PLCZ1: variants seen among roughly 807,000 people sequenced by gnomAD.
PLCZ1 encodes the protein 1-phosphatidylinositol 4,5-bisphosphate phosphodiesterase zeta-1.
A neutral mutation model predicts 76.8 loss-of-function variants in PLCZ1; 64 were observed. That is an observed-to-expected ratio of 0.83 (90% CI 0.68 to 1.03). The LOEUF is 1.03. Ranked by LOEUF, PLCZ1 falls within the 50% of genes least tolerant of loss-of-function variation. The pLI is 0.00. For synonymous variants in PLCZ1, 248 were observed against 230.8 expected, an observed-to-expected ratio of 1.07 and a Z score of -0.68; for missense variants, 751 against 713.7, an observed-to-expected ratio of 1.05 and a Z score of -0.60.
chr12:18,710,943 A>C (rs1565709354), intron 6 of PLCZ1, among the ~76,000 whole-genome samples: 1 of 152,114 alleles, frequency 6.6e-6, no homozygotes, highest in Non-Finnish European at 1.5e-5. Flanking sequence ...GTTGGACTGT[A>C]AACTAGTTCA....
the PLCZ1 span, among the ~76,000 whole-genome samples, chr12:18,654,938 C>G: frequency 6.6e-6 from 1 of 151,988 alleles, no homozygotes; most frequent in Non-Finnish European, 1.5e-5. Flanking sequence ...ACACTTAGTT[C>G]TGGGAAACAA....
At chr12:18,668,014 T>C in the PLCZ1 span, among the ~76,000 whole-genome samples, 1 of 152,216 alleles carries the variant, frequency 6.6e-6, no homozygotes, top group Non-Finnish European at 1.5e-5. Context: ...AAGGTCTACC[T>C]TTAGGACACT....
At position 18,688,233 on chromosome 12, in the gene PLCZ1, A is replaced by C; in HGVS notation, c.1462-15T>G. The C allele has an allele frequency of 6.3e-7, 1 of 1,596,214 alleles. No individual in the cohort carries two copies. The highest frequency in any genetic ancestry group is 8.5e-7 in the Non-Finnish European group (1 of 1,172,362). On this transcript the variant is annotated splice_polypyrimidine_tract_variant and intron_variant, in intron 12 of 14. Transcript: ENST00000266505. The stretch of plus-strand genomic sequence containing the variant: ...CCACTGATGAGCTGCACAAATATAT[A>C]TGAATATAAGAATTTAGCAAGATAT...
the PLCZ1 span, among the ~76,000 whole-genome samples, chr12:18,670,124 C>T: frequency 1.3e-5 from 2 of 152,080 alleles, no homozygotes; most frequent in Non-Finnish European, 2.9e-5. Flanking sequence ...TTGGAGAGGA[C>T]ATAAACATTC....
intron 7 of PLCZ1, among the ~76,000 whole-genome samples, chr12:18,704,393 T>C (rs540167582): frequency 6.6e-6 from 1 of 152,262 alleles, no homozygotes; most frequent in African/African-American, 2.4e-5. Context: ...TAGCTCAATC[T>C]TGGCTCACTG....
chr12:18,737,833 C>T (rs748599317), intron 1 of PLCZ1, 99 bp downstream of exon 1: 3 of 288,362 alleles, frequency 1.0e-5, no homozygotes, highest in South Asian at 4.9e-5. Context: ...TATAAATCAA[C>T]ACCATTGTGA....
intron 4 of PLCZ1, among the ~76,000 whole-genome samples, 187 bp from the exon 5 acceptor site, chr12:18,719,819 C>T (rs1179073625): frequency 6.6e-6 from 1 of 151,910 alleles, no homozygotes; most frequent in Admixed American, 6.6e-5. Context: ...TTCAGTTCTT[C>T]CATATTAACA....
At chr12:18,677,755 A>G in the PLCZ1 span, among the ~76,000 whole-genome samples, 8 of 152,260 alleles carry the variant, frequency 5.3e-5, no homozygotes, top group Admixed American at 1.3e-4. Context: ...ACTGGTCTAC[A>G]TTTAAAACAA....
chr12:18,659,234 C>A, the PLCZ1 span, among the ~76,000 whole-genome samples: 2 of 152,134 alleles, frequency 1.3e-5, no homozygotes, highest in Non-Finnish European at 2.9e-5. Flanking sequence ...ACCACTTTAC[C>A]TTTACCATCT....
At chr12:18,667,077 A>T in the PLCZ1 span, among the ~76,000 whole-genome samples, 1 of 152,156 alleles carries the variant, frequency 6.6e-6, no homozygotes, top group East Asian at 1.9e-4. Context: ...AGTGGGGGGA[A>T]GTTGCCAGAA....
intron 6 of PLCZ1, among the ~76,000 whole-genome samples, chr12:18,706,858 C>G (rs895575988): frequency 6.6e-6 from 1 of 152,200 alleles, no homozygotes; most frequent in Non-Finnish European, 1.5e-5. Context: ...CATTTATTCT[C>G]TCACTGTCTA....
rs2137268129 is a variant in PLCZ1 at position 18,701,718 on chromosome 12, T to C, written c.923A>G (p.His308Arg). 2.5e-6 allele frequency: 4 copies of C among 1,613,290 alleles called. No homozygotes were observed. The highest frequency in any genetic ancestry group is 3.4e-6 in the Non-Finnish European group (4 of 1,179,832). The change falls in exon 8 of 15, where the codon CAT (histidine) becomes CGT (arginine). Residue 308 changes from histidine to arginine, a missense_variant. By Grantham distance (29) the His-to-Arg change is conservative. Transcript: ENST00000266505. Reference protein sequence around the residue: ...NKKIGTLKETHERKGSDKRGD... With the variant: ...NKKIGTLKETRERKGSDKRGD... Reference sequence around the variant, plus strand: ...ACGCTTATCAGAACCTTTTCTTTCATGGGTTTCCTTTAAGGTTCCTATTTT... The same window carrying C: ...ACGCTTATCAGAACCTTTTCTTTCACGGGTTTCCTTTAAGGTTCCTATTTT...
chr12:18,736,159 T>G, intron 3 of PLCZ1, 62 bp downstream of exon 3: 1 of 1,561,660 alleles, frequency 6.4e-7, no homozygotes, highest in Non-Finnish European at 8.8e-7. Context: ...TATATGACAA[T>G]TACTGACATT....
chr12:18,663,238 G>C, the PLCZ1 span, among the ~76,000 whole-genome samples: 6 of 152,044 alleles, frequency 3.9e-5, no homozygotes, highest in African/African-American at 1.2e-4. Flanking sequence ...AGTTAGGCAA[G>C]AAAAGGAAAT....
At chr12:18,711,689 C>A (rs1957368814) in intron 6 of PLCZ1, among the ~76,000 whole-genome samples, 1 of 151,752 alleles carries the variant, frequency 6.6e-6, no homozygotes. Context: ...TGGGGAAGAT[C>A]GTGGCGAGAG....
chr12:18,690,997 G>A (rs893708691), intron 12 of PLCZ1, among the ~76,000 whole-genome samples: 1 of 152,238 alleles, frequency 6.6e-6, no homozygotes, highest in Non-Finnish European at 1.5e-5. Flanking sequence ...AACTTGTGGA[G>A]AATAGATATG....
intron 13 of PLCZ1, 30 bp downstream of exon 13, chr12:18,688,059 G>T (rs770876015): frequency 1.2e-6 from 2 of 1,606,498 alleles, no homozygotes; most frequent in South Asian, 1.1e-5. Context: ...AAGTCTAATG[G>T]AAATTCAATA....
chr12:18,718,017 A>C (rs1419879358), intron 5 of PLCZ1, among the ~76,000 whole-genome samples: 1 of 152,070 alleles, frequency 6.6e-6, no homozygotes, highest in South Asian at 2.1e-4. Context: ...TAAACAACCA[A>C]AACTCTATGG....
intron 11 of PLCZ1, among the ~76,000 whole-genome samples, chr12:18,695,739 G>C (rs11044255): frequency 6.6e-6 from 1 of 151,848 alleles, no homozygotes; most frequent in Non-Finnish European, 1.5e-5. Flanking sequence ...AACCAAGTTA[G>C]GCAATCTTAT....
Sources: gnomAD v4.1 joint callset for allele counts (sites outside exome capture counted in the v4.1 genomes callset) on GRCh38, gnomAD v4.1.1 for gene constraint, MANE v1.5 for transcripts, NCBI Gene and HGNC (gene_info 2026-07-23, HGNC 2026-07-21) for gene names.